LRRC4C: variants seen among roughly 807,000 people sequenced by gnomAD.
LRRC4C encodes leucine rich repeat containing 4C.
A neutral mutation model predicts 33.6 loss-of-function variants in LRRC4C; 5 were observed. That is an observed-to-expected ratio of 0.15 (90% CI 0.08 to 0.31). The LOEUF (loss-of-function observed/expected upper bound fraction) is 0.31, where lower values mean the gene tolerates loss of function less well. LRRC4C is among the 10% of genes least tolerant of loss of function. LRRC4C has a pLI of 1.00. For synonymous variants in LRRC4C, 329 were observed against 302.0 expected, an observed-to-expected ratio of 1.09 and a Z score of -0.93; for missense variants, 560 against 796.7, an observed-to-expected ratio of 0.70 and a Z score of 3.58.
chr11:40,187,488 C>T (rs1044503417), intron 5 of LRRC4C, among the ~76,000 whole-genome samples: 5 of 151,948 alleles, frequency 3.3e-5, no homozygotes, highest in African/African-American at 1.2e-4. Context: ...CGCTGTCTAC[C>T]TCCCCTTCTC....
chr11:40,780,464 T>C (rs79902306), intron 2 of LRRC4C, among the ~76,000 whole-genome samples: 4,851 of 152,224 alleles, frequency 0.032, 250 homozygotes, highest in African/African-American at 0.11. Context: ...AGGTAAGAAA[T>C]GTGATTACAG....
At chr11:41,206,118 G>A (rs2136289075) in intron 1 of LRRC4C, among the ~76,000 whole-genome samples, 1 of 152,172 alleles carries the variant, frequency 6.6e-6, no homozygotes, top group Admixed American at 6.5e-5. Flanking sequence ...AGATTAGGTA[G>A]GGCTTCCCAC....
At chr11:40,358,524 A>T (rs1590430824) in intron 3 of LRRC4C, among the ~76,000 whole-genome samples, 1 of 152,124 alleles carries the variant, frequency 6.6e-6, no homozygotes, top group South Asian at 2.1e-4. Context: ...CAAGTGATCC[A>T]CCTGCCTCAG....
intron 3 of LRRC4C, among the ~76,000 whole-genome samples, chr11:40,354,090 A>G (rs903618230): frequency 6.6e-6 from 1 of 152,184 alleles, no homozygotes; most frequent in African/African-American, 2.4e-5. Flanking sequence ...TAAATCCAGT[A>G]ATTCTGTGAC....
intron 4 of LRRC4C, among the ~76,000 whole-genome samples, chr11:40,251,431 C>A (rs948087582): frequency 1.3e-5 from 2 of 151,652 alleles, no homozygotes; most frequent in African/African-American, 4.9e-5. Flanking sequence ...GTGCCCACTC[C>A]TCCTCTAAAT....
chr11:40,566,794 G>A (rs1957784955), intron 3 of LRRC4C, among the ~76,000 whole-genome samples: 2 of 152,204 alleles, frequency 1.3e-5, no homozygotes, highest in African/African-American at 4.8e-5. Context: ...TTGCATAACA[G>A]CCTCAGATGC....
At chr11:40,878,052 G>T (rs1164299265) in intron 2 of LRRC4C, among the ~76,000 whole-genome samples, 1 of 152,122 alleles carries the variant, frequency 6.6e-6, no homozygotes, top group African/African-American at 2.4e-5. Flanking sequence ...CTCCAGTGAT[G>T]TCTGTTTTTT....
chr11:40,777,762 A>G (rs1199222148), intron 2 of LRRC4C, among the ~76,000 whole-genome samples: 1 of 151,420 alleles, frequency 6.6e-6, no homozygotes, highest in Non-Finnish European at 1.5e-5. Context: ...ATCTTGGCTC[A>G]CTGCAAGCTC....
At chr11:41,281,265 T>A (rs578198623) in intron 1 of LRRC4C, among the ~76,000 whole-genome samples, 27 of 152,186 alleles carry the variant, frequency 1.8e-4, no homozygotes, top group African/African-American at 5.8e-4. Context: ...TCATCAGGTT[T>A]TAAATAGAAA....
intron 2 of LRRC4C, among the ~76,000 whole-genome samples, chr11:40,774,235 T>C (rs1949884059): frequency 6.6e-6 from 1 of 152,152 alleles, no homozygotes; most frequent in Non-Finnish European, 1.5e-5. Flanking sequence ...ACTTAAATTG[T>C]CTATTTACCT....
At chr11:41,192,446 T>TAC (rs932733770) in intron 1 of LRRC4C, among the ~76,000 whole-genome samples, 72 of 150,406 alleles carry the variant, frequency 4.8e-4, no homozygotes, top group African/African-American at 1.1e-3. Context: ...TAGAAATGTA[T>TAC]ACACACACAC....
chr11:40,562,288 T>C (rs2135512893), intron 3 of LRRC4C, among the ~76,000 whole-genome samples: 1 of 152,338 alleles, frequency 6.6e-6, no homozygotes. Context: ...TAAAATGTAT[T>C]TATAGTGTTT....
intron 2 of LRRC4C, among the ~76,000 whole-genome samples, chr11:40,694,756 C>A (rs1271240723): frequency 6.6e-6 from 1 of 152,048 alleles, no homozygotes; most frequent in Admixed American, 6.6e-5. Context: ...TACATTGCAG[C>A]ACAGAAAAAT....
chr11:40,998,205 T>C (rs1854116690), intron 1 of LRRC4C, among the ~76,000 whole-genome samples: 1 of 151,976 alleles, frequency 6.6e-6, no homozygotes, highest in African/African-American at 2.4e-5. Flanking sequence ...AATATGTATA[T>C]ATTTTTTAAA....
At chr11:40,387,162 C>T (rs779161162) in intron 3 of LRRC4C, among the ~76,000 whole-genome samples, 66 of 152,084 alleles carry the variant, frequency 4.3e-4, no homozygotes, top group South Asian at 4.2e-4. Flanking sequence ...TCTCTTCTAA[C>T]TTTCCTCATA....
In LRRC4C at chr11:41,019,871, A is replaced by T. The variant is rs113374083; in HGVS notation, c.-495-86148T>A. On this transcript the variant is annotated intron_variant, in intron 1 of 6. Transcript: ENST00000528697. ...TTGTCCAATTTTTGATGAGGTTGTCATTTTCTTGTAAATATGTTTAAGTTG... is the reference window on the plus strand; with the variant it reads ...TTGTCCAATTTTTGATGAGGTTGTCTTTTTCTTGTAAATATGTTTAAGTTG... 8.0e-3 allele frequency among the ~76,000 whole-genome samples: 1,210 copies of T among 151,790 alleles called. 19 individuals are homozygous for T. The highest frequency in any genetic ancestry group is 0.028 in the African/African-American group (1,143 of 41,408).
chr11:41,207,876 C>A (rs1194011784), intron 1 of LRRC4C, among the ~76,000 whole-genome samples: 1 of 152,148 alleles, frequency 6.6e-6, no homozygotes, highest in Non-Finnish European at 1.5e-5. Flanking sequence ...GCTGATTTAA[C>A]AAATACCCAA....
chr11:40,181,762 A>G (rs1191429217), intron 5 of LRRC4C, among the ~76,000 whole-genome samples: 1 of 152,192 alleles, frequency 6.6e-6, no homozygotes, highest in East Asian at 1.9e-4. Context: ...TAGATGAGAA[A>G]GCCAGGGTGG....
chr11:41,219,225 G>C (rs985406566), intron 1 of LRRC4C, among the ~76,000 whole-genome samples: 2 of 151,616 alleles, frequency 1.3e-5, no homozygotes, highest in Non-Finnish European at 2.9e-5. Flanking sequence ...ACAGACACAA[G>C]TACTCCCAAC....
Sources: gnomAD v4.1 joint callset for allele counts (sites outside exome capture counted in the v4.1 genomes callset) on GRCh38, gnomAD v4.1.1 for gene constraint, MANE v1.5 for transcripts, NCBI Gene and HGNC (gene_info 2026-07-23, HGNC 2026-07-21) for gene names.